CNTN5: variants seen among roughly 807,000 people sequenced by gnomAD.
CNTN5 encodes contactin 5, also known as contactin-5.
CNTN5 carries 77 observed loss-of-function variants against 129.1 expected under a neutral mutation model. The observed-to-expected ratio is 0.60, with a 90% CI of 0.50 to 0.72. CNTN5 has a LOEUF of 0.72. Among genes scored for constraint, CNTN5 ranks in the 30% least tolerant of loss-of-function variants. The probability of loss-of-function intolerance (pLI) is 0.00; values close to 1 mark genes in which losing one functional copy is unlikely to be tolerated. For missense variants in CNTN5, 1,478 were observed against 1,328.8 expected (o/e 1.11, Z -1.75); for synonymous variants, 509 against 465.6 (o/e 1.09, Z -1.20).
chr11:99,347,053 T>C (rs1198259696), intron 2 of CNTN5, among the ~76,000 whole-genome samples: 19 of 152,230 alleles, frequency 1.2e-4, no homozygotes. Flanking sequence ...CAAAATCTCA[T>C]TTATTCATTG....
intron 3 of CNTN5, among the ~76,000 whole-genome samples, chr11:99,668,007 T>C (rs568398454): frequency 1.2e-4 from 18 of 152,302 alleles, no homozygotes; most frequent in African/African-American, 4.3e-4. Context: ...CTGATATTGC[T>C]TAATGTAAAA....
intron 13 of CNTN5, among the ~76,000 whole-genome samples, chr11:100,167,888 A>C (rs1283653583): frequency 6.6e-6 from 1 of 152,004 alleles, no homozygotes; most frequent in South Asian, 2.1e-4. Context: ...ATGCAACGGA[A>C]AAGTCCTGGA....
chr11:100,336,161 A>C (rs1458364283), intron 21 of CNTN5, among the ~76,000 whole-genome samples: 2 of 152,220 alleles, frequency 1.3e-5, no homozygotes, highest in Non-Finnish European at 2.9e-5. Flanking sequence ...ATTCACATAT[A>C]GACCTTCTGG....
intron 9 of CNTN5, among the ~76,000 whole-genome samples, chr11:100,008,627 A>G (rs1377566): frequency 0.19 from 29,586 of 152,004 alleles, 2,968 homozygotes; most frequent in Middle Eastern, 0.23. Flanking sequence ...CCTTGAGTCC[A>G]TTCTTAATCA....
intron 1 of CNTN5, among the ~76,000 whole-genome samples, chr11:99,288,156 A>G (rs1181373139): frequency 6.6e-6 from 1 of 151,982 alleles, no homozygotes; most frequent in African/African-American, 2.4e-5. Flanking sequence ...AAATGAGCCA[A>G]ATGATTATGG....
At chr11:99,900,612 A>G (rs1949331452) in intron 6 of CNTN5, among the ~76,000 whole-genome samples, 1 of 151,926 alleles carries the variant, frequency 6.6e-6, no homozygotes, top group Non-Finnish European at 1.5e-5. Context: ...CAATTTATGT[A>G]ATAGATATTT....
chr11:99,359,326 A>T (rs1270268582), intron 2 of CNTN5, among the ~76,000 whole-genome samples: 3 of 152,078 alleles, frequency 2.0e-5, no homozygotes, highest in Non-Finnish European at 4.4e-5. Flanking sequence ...CCCTTTTTCT[A>T]AAGGCACTAC....
intron 9 of CNTN5, among the ~76,000 whole-genome samples, chr11:100,008,283 C>T (rs1335348096): frequency 6.6e-6 from 1 of 151,980 alleles, no homozygotes; most frequent in Non-Finnish European, 1.5e-5. Flanking sequence ...ATAGCATTGC[C>T]ACAGACCTTC....
At chr11:99,908,494 A>G (rs1036260642) in intron 6 of CNTN5, among the ~76,000 whole-genome samples, 2 of 152,020 alleles carry the variant, frequency 1.3e-5, no homozygotes, top group Non-Finnish European at 2.9e-5. Context: ...TTTTTAGTCA[A>G]TTAAGACTGA....
chr11:99,921,325 T>G (rs918137584), intron 7 of CNTN5, among the ~76,000 whole-genome samples: 1 of 152,146 alleles, frequency 6.6e-6, no homozygotes, highest in African/African-American at 2.4e-5. Flanking sequence ...TTATTGTCAT[T>G]TCCTTGATGT....
chr11:100,192,306 CACAAAATTTAAACT>C (rs1948516995), intron 14 of CNTN5, among the ~76,000 whole-genome samples: 1 of 151,982 alleles, frequency 6.6e-6, no homozygotes, highest in Non-Finnish European at 1.5e-5. Flanking sequence ...CTCCAATCCC[CACAAAATTTAAACT>C]ACAGTGTACT....
At chr11:99,319,432 A>T (rs1865472031) in intron 1 of CNTN5, among the ~76,000 whole-genome samples, 1 of 152,236 alleles carries the variant, frequency 6.6e-6, no homozygotes, top group East Asian at 1.9e-4. Flanking sequence ...AATGGGCTGG[A>T]TGCCCTTCCT....
intron 21 of CNTN5, among the ~76,000 whole-genome samples, chr11:100,329,757 T>C (rs1424184920): frequency 6.6e-6 from 1 of 152,160 alleles, no homozygotes; most frequent in Non-Finnish European, 1.5e-5. Context: ...TCAGGAACCC[T>C]TATTGCTAGG....
intron 21 of CNTN5, 31 bp downstream of exon 21, chr11:100,308,499 A>G: frequency 3.1e-6 from 5 of 1,591,002 alleles, no homozygotes; most frequent in Non-Finnish European, 4.3e-6. Context: ...AATAAGCCTT[A>G]TTGTTTCTTC....
chr11:100,253,155 A>T (rs1474995959), intron 16 of CNTN5, among the ~76,000 whole-genome samples: 1 of 152,104 alleles, frequency 6.6e-6, no homozygotes, highest in Non-Finnish European at 1.5e-5. Context: ...GTTCCCTAAC[A>T]CATACTTTTT....
intron 1 of CNTN5, among the ~76,000 whole-genome samples, chr11:99,306,755 A>ACG (rs1864894677): frequency 1.3e-5 from 1 of 78,260 alleles, no homozygotes; most frequent in Non-Finnish European, 2.8e-5. Flanking sequence ...TGATAATAAT[A>ACG]ATAATAATAA....
chr11:99,685,405 A>G (rs1953747122), intron 3 of CNTN5, among the ~76,000 whole-genome samples: 1 of 151,874 alleles, frequency 6.6e-6, no homozygotes, highest in Non-Finnish European at 1.5e-5. Flanking sequence ...TGCTGTTTAA[A>G]TCTTCCCTTC....
chr11:99,651,995 C>T (rs1952175056), intron 3 of CNTN5, among the ~76,000 whole-genome samples: 1 of 152,076 alleles, frequency 6.6e-6, no homozygotes, highest in Non-Finnish European at 1.5e-5. Context: ...GCAGCACAAA[C>T]ACCACAAATG....
At chr11:99,430,368 TG>T (rs1943311770) in intron 2 of CNTN5, among the ~76,000 whole-genome samples, 1 of 149,850 alleles carries the variant, frequency 6.7e-6, no homozygotes, top group Non-Finnish European at 1.5e-5. Context: ...TATATATATA[TG>T]TGTGCACGCA....
Sources: allele counts gnomAD v4.1 joint callset (sites outside exome capture counted in the v4.1 genomes callset), GRCh38; gene constraint gnomAD v4.1.1; transcripts MANE v1.5; gene names NCBI Gene and HGNC (gene_info 2026-07-23, HGNC 2026-07-21).